Variants in FAM135A observed in about 807,000 individuals in gnomAD.
FAM135A encodes family with sequence similarity 135 member A.
Under a neutral mutation model 146.8 loss-of-function variants are expected in FAM135A, and 79 were observed. The observed-to-expected ratio is 0.54, with a 90% CI of 0.45 to 0.65. The LOEUF (loss-of-function observed/expected upper bound fraction) is 0.65, where lower values mean the gene tolerates loss of function less well. FAM135A is among the 30% of genes least tolerant of loss of function. FAM135A has a pLI of 0.00. For missense variants in FAM135A, 1,623 were observed against 1,758.2 expected (o/e 0.92, Z 1.38); for synonymous variants, 562 against 603.6 (o/e 0.93, Z 1.01).
chr6:70,492,743 T>C (rs1786304054), intron 11 of FAM135A, among the ~76,000 whole-genome samples: 1 of 151,870 alleles, frequency 6.6e-6, no homozygotes, highest in Non-Finnish European at 1.5e-5. Context: ...TGATACTCAT[T>C]CTTACTGGAA....
intron 4 of FAM135A, among the ~76,000 whole-genome samples, chr6:70,441,990 C>A (rs1774609864): frequency 6.6e-6 from 1 of 152,098 alleles, no homozygotes; most frequent in Admixed American, 6.6e-5. Context: ...ACCACAAATA[C>A]ATTTTTATAA....
chr6:70,416,053 T>C (rs1056411396), intron 2 of FAM135A, among the ~76,000 whole-genome samples: 1 of 152,234 alleles, frequency 6.6e-6, no homozygotes, highest in Non-Finnish European at 1.5e-5. Flanking sequence ...TTCAGACTTC[T>C]GTGAAAAGTC....
intron 16 of FAM135A, among the ~76,000 whole-genome samples, chr6:70,529,052 T>A (rs1795282195): frequency 6.6e-6 from 1 of 151,996 alleles, no homozygotes; most frequent in East Asian, 1.9e-4. Context: ...TCTCTTATTG[T>A]TGGTTTTGCC....
chr6:70,516,182 C>T (rs1020901206), intron 12 of FAM135A, among the ~76,000 whole-genome samples: 11 of 152,064 alleles, frequency 7.2e-5, no homozygotes, highest in Non-Finnish European at 5.9e-5. Context: ...TTTTCAGCCC[C>T]GGCTGTACAT....
rs762080084 is a variant in FAM135A at position 70,536,381 on chromosome 6, C to T, written c.4087C>T (p.Leu1363Phe). Reference sequence around the variant, plus strand: ...TCTTTCTGGACCTCACCTTGGTACACTCTACAACAGCAGTGCTCTTGTTAA... The same window carrying T: ...TCTTTCTGGACCTCACCTTGGTACATTCTACAACAGCAGTGCTCTTGTTAA... ...LSLSGPHLGT[L>F]YNSSALVNTG... Residue 1363 changes from leucine (L) to phenylalanine (F), a missense_variant, in exon 19 of 22, where the codon CTC becomes TTC. Physicochemically the swap from Leu to Phe is conservative, Grantham distance 22. This residue lies in a region of FAM135A where 8 missense variants were observed against 24.1 expected (regional missense o/e 0.33). Coordinates refer to ENST00000418814, the MANE Select transcript of FAM135A (RefSeq NM_001162529.3). The T allele has an allele frequency of 1.9e-6, 3 of 1,612,088 alleles. No individual in the cohort carries two copies. The highest frequency in any genetic ancestry group is 1.1e-5 in the South Asian group (1 of 90,766).
chr6:70,494,096 A>T (rs1413553051), intron 11 of FAM135A, among the ~76,000 whole-genome samples: 1 of 149,732 alleles, frequency 6.7e-6, no homozygotes, highest in Non-Finnish European at 1.5e-5. Flanking sequence ...CAAGTGTTTG[A>T]TGAAGTAGGA....
intron 12 of FAM135A, among the ~76,000 whole-genome samples, chr6:70,519,316 CAGAG>C (rs1793019642): frequency 6.6e-6 from 1 of 152,174 alleles, no homozygotes; most frequent in South Asian, 2.1e-4. Context: ...TATGGATGAA[CAGAG>C]AAAGTGGTTT....
chr6:70,544,365 C>T (rs988885238), intron 20 of FAM135A, among the ~76,000 whole-genome samples: 13 of 151,932 alleles, frequency 8.6e-5, no homozygotes, highest in African/African-American at 3.1e-4. Context: ...CCCATCTCTA[C>T]TAAAAATACA....
chr6:70,471,429 A>T (rs1204317114), intron 5 of FAM135A, among the ~76,000 whole-genome samples: 4 of 152,070 alleles, frequency 2.6e-5, no homozygotes, highest in Non-Finnish European at 5.9e-5. Context: ...AGACAGGTGG[A>T]AGTATGGGAG....
intron 3 of FAM135A, among the ~76,000 whole-genome samples, chr6:70,427,294 G>T (rs1193066478): frequency 2.0e-5 from 3 of 152,146 alleles, no homozygotes; most frequent in Non-Finnish European, 4.4e-5. Context: ...CACTTTGGGA[G>T]GCTGAGGTGA....
chr6:70,455,235 T>C (rs998299948), intron 5 of FAM135A, among the ~76,000 whole-genome samples: 18 of 152,112 alleles, frequency 1.2e-4, no homozygotes, highest in African/African-American at 3.6e-4. Flanking sequence ...CTGTCTGTTA[T>C]TGGTGTATAG....
At chr6:70,492,740 C>T (rs1786303278) in intron 11 of FAM135A, among the ~76,000 whole-genome samples, 1 of 150,666 alleles carries the variant, frequency 6.6e-6, no homozygotes, top group Non-Finnish European at 1.5e-5. Flanking sequence ...AAATGATACT[C>T]ATTCTTACTG....
At chr6:70,504,649 A>T (rs1789314937) in intron 12 of FAM135A, 1 of 152,200 alleles carries the variant, frequency 6.6e-6, no homozygotes, top group African/African-American at 2.4e-5. Context: ...AAAACTGTAA[A>T]GCTTCTAAAG....
At chr6:70,529,850 CAGG>C (rs1293490871) in intron 16 of FAM135A, among the ~76,000 whole-genome samples, 1 of 152,094 alleles carries the variant, frequency 6.6e-6, no homozygotes, top group Non-Finnish European at 1.5e-5. Flanking sequence ...ATCACAAGGT[CAGG>C]AGATCAAGAC....
At chr6:70,542,539 T>C (rs948611454) in intron 20 of FAM135A, among the ~76,000 whole-genome samples, 3 of 152,202 alleles carry the variant, frequency 2.0e-5, no homozygotes, top group African/African-American at 7.2e-5. Flanking sequence ...GCTGTATACC[T>C]TTGGGGTTTT....
intron 20 of FAM135A, among the ~76,000 whole-genome samples, chr6:70,543,389 TC>T (rs1798277098): frequency 6.6e-6 from 1 of 152,218 alleles, no homozygotes; most frequent in African/African-American, 2.4e-5. Flanking sequence ...TTTTCAGGAT[TC>T]TGCCTTAAAT....
chr6:70,469,492 A>G (rs745515710), intron 5 of FAM135A, among the ~76,000 whole-genome samples: 8 of 152,230 alleles, frequency 5.3e-5, no homozygotes, highest in Non-Finnish European at 8.8e-5. Context: ...CCTTTAGAGC[A>G]TTCCTAAAGG....
At chr6:70,536,492 A>G in intron 19 of FAM135A, 81 bp downstream of exon 19, 1 of 1,209,224 alleles carries the variant, frequency 8.3e-7, no homozygotes, top group Non-Finnish European at 1.1e-6. Context: ...TGTTTATTTT[A>G]GAACCAGTTT....
chr6:70,515,257 G>A (rs756457205), intron 12 of FAM135A, among the ~76,000 whole-genome samples: 13 of 152,080 alleles, frequency 8.5e-5, no homozygotes, highest in African/African-American at 7.2e-5. Flanking sequence ...CTATCACACC[G>A]CTTGGTGTTT....
Sources: gnomAD v4.1 joint callset for allele counts (sites outside exome capture counted in the v4.1 genomes callset) on GRCh38, gnomAD v4.1.1 for gene constraint, gnomAD v4.1.1 regional missense constraint, MANE v1.5 for transcripts, NCBI Gene and HGNC (gene_info 2026-07-23, HGNC 2026-07-21) for gene names.